CLEC2L: variants seen among roughly 807,000 people sequenced by gnomAD.
The protein encoded by CLEC2L is C-type lectin domain family 2, member L.
Under a neutral mutation model 23.6 loss-of-function variants are expected in CLEC2L, and 14 were observed. The observed-to-expected ratio is 0.59, with a 90% CI of 0.39 to 0.93. CLEC2L has a LOEUF of 0.93. CLEC2L is among the 40% of genes least tolerant of loss of function. The pLI is 0.00. For missense variants in CLEC2L, 264 were observed against 282.4 expected (o/e 0.93, Z 0.47); for synonymous variants, 114 against 121.3 (o/e 0.94, Z 0.40).
intron 1 of CLEC2L, among the ~76,000 whole-genome samples, chr7:139,526,235 A>T (rs1468370602): frequency 6.6e-6 from 1 of 152,066 alleles, no homozygotes; most frequent in African/African-American, 2.4e-5. Flanking sequence ...AAGGAGCCTG[A>T]GAGGAGACAG....
intron 4 of CLEC2L, among the ~76,000 whole-genome samples, chr7:139,542,853 G>T (rs1321368607): frequency 1.3e-5 from 2 of 152,130 alleles, no homozygotes; most frequent in Non-Finnish European, 2.9e-5. Flanking sequence ...ACTGTGTGGG[G>T]CGTGGGGAAA....
At chr7:139,541,473 A>G (rs1412389256) in intron 3 of CLEC2L, among the ~76,000 whole-genome samples, 1 of 152,224 alleles carries the variant, frequency 6.6e-6, no homozygotes, top group East Asian at 1.9e-4. Flanking sequence ...AACACAATTA[A>G]TGGAGTCTAT....
Position 139,544,606 on chromosome 7 carries a change from CAT to C in CLEC2L, c.*265_*266del, listed in dbSNP as rs1258838785. The C allele has an allele frequency of 1.6e-5, 8 of 506,956 alleles. No individual in the cohort carries two copies. Among genetic ancestry groups the C allele is most frequent in the African/African-American group, 5.8e-5 (3 of 51,914 alleles). The allele number at this position is 506,956 out of a possible 1,614,324, so 31.4% of individuals were successfully genotyped here. On this transcript the variant is annotated 3_prime_UTR_variant, in exon 5 of 5. Coordinates refer to ENST00000422142, the MANE Select transcript of CLEC2L (RefSeq NM_001080511.4). ...GCATCTGCCCACCTACACACACACA[CAT>C]GCATAGGTACACGCACGCACAGACG...
intron 1 of CLEC2L, among the ~76,000 whole-genome samples, chr7:139,526,977 C>G (rs1375243077): frequency 6.6e-6 from 1 of 152,258 alleles, no homozygotes; most frequent in Non-Finnish European, 1.5e-5. Flanking sequence ...CCTGCTTAGC[C>G]AAGCACTTGT....
intron 1 of CLEC2L, among the ~76,000 whole-genome samples, chr7:139,529,928 C>T (rs767839384): frequency 1.9e-4 from 29 of 150,630 alleles, no homozygotes; most frequent in Non-Finnish European, 3.7e-4. Flanking sequence ...GTTAGCCAGG[C>T]GTGGTGATGT....
Position 139,544,457 on chromosome 7 carries a change from C to G in CLEC2L, c.*115C>G. On this transcript the variant is annotated 3_prime_UTR_variant, in exon 5 of 5. Coordinates refer to ENST00000422142, the MANE Select transcript of CLEC2L (RefSeq NM_001080511.4). ...CCTCTGCAAGGCGAAGCGGTGGGTG[C>G]GTGGCCTCCGCCCCAGGCCCCTCTC... 1.4e-6 allele frequency: 1 copy of G among 706,106 alleles called. No individual in the cohort carries two copies. The highest frequency in any genetic ancestry group is 2.4e-6 in the Non-Finnish European group (1 of 420,598). The allele number at this position is 706,106 out of a possible 1,614,324, so 43.7% of individuals were successfully genotyped here.
chr7:139,534,131 T>G, intron 1 of CLEC2L: 1 of 638,408 alleles, frequency 1.6e-6, no homozygotes, highest in African/African-American at 1.8e-5. Flanking sequence ...TGTCTGTTGC[T>G]GGTGAGAATG....
At chr7:139,524,875 G>A (rs143849840) in intron 1 of CLEC2L, among the ~76,000 whole-genome samples, 1,606 of 152,266 alleles carry the variant, frequency 0.011, 29 homozygotes, top group African/African-American at 0.036. Context: ...GAGGACCTGG[G>A]CAGCATTAAC....
At position 139,523,689 on chromosome 7, in the gene CLEC2L, C is replaced by T. The variant is rs1349015814; in HGVS notation, c.-239C>T. Among the ~76,000 whole-genome samples, 22 of 151,352 alleles carry T rather than the reference C, an allele frequency of 1.5e-4. No homozygotes were observed. The highest frequency in any genetic ancestry group is 6.6e-4 in the Admixed American group (10 of 15,216). The stretch of plus-strand genomic sequence containing the variant: ...CGCCGCCTCGCGCTCCTCCCCAGCC[C>T]GGCTGTGCGTGGAGGCTGCGGCTCG... On this transcript the variant is annotated 5_prime_UTR_variant, in exon 1 of 5. Transcript: ENST00000422142. This position sits in a 1 kb window ranked among gnomAD's most constrained non-coding sequence, Gnocchi z 4.1.
At chr7:139,526,096 C>T (rs1797502139) in intron 1 of CLEC2L, among the ~76,000 whole-genome samples, 1 of 152,210 alleles carries the variant, frequency 6.6e-6, no homozygotes, top group African/African-American at 2.4e-5. Context: ...GCATCTTGGG[C>T]CTACTGACTT....
chr7:139,540,429 G>A lies in CLEC2L; in HGVS notation c.374G>A (p.Arg125Lys). The A allele has an allele frequency of 6.2e-7, 1 of 1,606,152 alleles. No individual in the cohort carries two copies. The highest frequency in any genetic ancestry group is 2.2e-5 in the East Asian group (1 of 44,586). ...GAACCCAGAGACTGGAACACAGGCA[G>A]GCAGTACTGCCACACCCACGAGGCG... ...SEEPRDWNTG[R>K]QYCHTHEAVL... Residue 125 changes from arginine (R) to lysine (K), a missense_variant, in exon 3 of 5, where the codon AGG becomes AAG. Physicochemically the swap from Arg to Lys is conservative, Grantham distance 26. Transcript: ENST00000422142. The surrounding 1 kb of genome is among the most constrained non-coding windows in gnomAD (Gnocchi z 5.8).
chr7:139,540,543 T>G lies in CLEC2L; in HGVS notation c.432+56T>G. ...GAAGGGACCCTCAGGGCCCCCAACC[T>G]TGACTCTAGGGGACAGCCACACAGT... On this transcript the variant is annotated intron_variant, in intron 3 of 4. Coordinates refer to ENST00000422142, the MANE Select transcript of CLEC2L (RefSeq NM_001080511.4). The surrounding 1 kb of genome is among the most constrained non-coding windows in gnomAD (Gnocchi z 5.8). The G allele has an allele frequency of 6.5e-7, 1 of 1,540,454 alleles. No homozygotes were observed. Among genetic ancestry groups the G allele is most frequent in the Non-Finnish European group, 8.8e-7 (1 of 1,138,350 alleles).
intron 4 of CLEC2L, 149 bp from the exon 5 acceptor site, chr7:139,544,082 C>T: frequency 1.6e-6 from 1 of 627,418 alleles, no homozygotes; most frequent in Non-Finnish European, 2.9e-6. Flanking sequence ...CAAGCTAGAA[C>T]AGTCTGTTGG....
At chr7:139,542,583 C>G (rs556850719) in intron 4 of CLEC2L, among the ~76,000 whole-genome samples, 1 of 152,212 alleles carries the variant, frequency 6.6e-6, no homozygotes, top group Non-Finnish European at 1.5e-5. Flanking sequence ...CGGGCAGCCT[C>G]GTGCCACCTA....
At chr7:139,525,083 TG>T (rs1797487752) in intron 1 of CLEC2L, among the ~76,000 whole-genome samples, 1 of 151,950 alleles carries the variant, frequency 6.6e-6, no homozygotes, top group Non-Finnish European at 1.5e-5. Context: ...AGTACTGAGA[TG>T]GGGCAGGGTG....
At chr7:139,528,089 A>G (rs1797530355) in intron 1 of CLEC2L, among the ~76,000 whole-genome samples, 1 of 152,178 alleles carries the variant, frequency 6.6e-6, no homozygotes, top group Admixed American at 6.5e-5. Context: ...GCCATCTAAT[A>G]TGGGCCATGG....
intron 4 of CLEC2L, among the ~76,000 whole-genome samples, chr7:139,543,300 T>A (rs1797763948): frequency 6.6e-6 from 1 of 152,160 alleles, no homozygotes; most frequent in Non-Finnish European, 1.5e-5. Flanking sequence ...TCTCTCAGAG[T>A]GGCTGAGGAG....
At position 139,524,117 on chromosome 7, in the gene CLEC2L, G is replaced by C. The variant is rs1797471081; in HGVS notation, c.190G>C (p.Asp64His). 1 of 1,226,496 alleles carries C rather than the reference G, an allele frequency of 8.2e-7. No individual in the cohort carries two copies. The highest frequency in any genetic ancestry group is 1.6e-5 in the African/African-American group (1 of 64,044). The allele number at this position is 1,226,496 out of a possible 1,614,324, so 76.0% of individuals were successfully genotyped here. A position where few individuals can be genotyped will look rare whatever the true frequency, so the allele number is the denominator to read the frequency against. The change falls in exon 1 of 5, where the codon GAC becomes CAC. Residue 64 changes from aspartate (D) to histidine (H), a missense_variant and splice_region_variant. Asp to His is a moderately conservative substitution (Grantham distance 81, BLOSUM62 -1). Transcript: ENST00000422142. Reference protein sequence around the residue: ...GSTSWKAALEDTTTRLLLGAI... With the variant: ...GSTSWKAALEHTTTRLLLGAI... ...CACCAGCTGGAAGGCGGCCTTGGAG[G>C]GTAAGCGCGGAGCGGCCTCCCTCTC... is the stretch of plus-strand genomic sequence containing the variant.
At chr7:139,543,958 C>T (rs1278345497) in intron 4 of CLEC2L, among the ~76,000 whole-genome samples, 1 of 152,074 alleles carries the variant, frequency 6.6e-6, no homozygotes, top group Non-Finnish European at 1.5e-5. Flanking sequence ...ACATGTGAGC[C>T]GACCCTGCAA....
Sources: gnomAD v4.1 joint callset for allele counts (sites outside exome capture counted in the v4.1 genomes callset) on GRCh38, gnomAD v4.1.1 for gene constraint, Gnocchi (gnomAD v3.1) non-coding constraint, MANE v1.5 for transcripts, NCBI Gene and HGNC (gene_info 2026-07-23, HGNC 2026-07-21) for gene names.